The following AK9 variants were observed in gnomAD, a reference collection of about 807,000 sequenced individuals.
AK9 encodes the protein adenylate kinase 9.
Under a neutral mutation model 239.6 loss-of-function variants are expected in AK9, and 191 were observed. That is an observed-to-expected ratio of 0.80 (90% CI 0.71 to 0.90). The LOEUF (loss-of-function observed/expected upper bound fraction) is 0.90. Among genes scored for constraint, AK9 ranks in the 40% least tolerant of loss-of-function variants. AK9 has a pLI of 0.00. For synonymous variants in AK9, 689 were observed against 721.0 expected (o/e 0.96, Z 0.71); for missense variants, 1,995 against 2,214.7 (o/e 0.90, Z 1.99).
At chr6:109,637,118 A>T (rs975134691) in intron 10 of AK9, among the ~76,000 whole-genome samples, 15 of 152,154 alleles carry the variant, frequency 9.9e-5, no homozygotes, top group African/African-American at 3.1e-4. Context: ...ATCTCATTGC[A>T]GTTTTGATTT....
intron 32 of AK9, among the ~76,000 whole-genome samples, chr6:109,511,850 C>A (rs769751825): frequency 5.3e-5 from 8 of 151,984 alleles, no homozygotes; most frequent in Non-Finnish European, 1.0e-4. Context: ...ACCACCATTT[C>A]AACAAAAAAA....
chr6:109,516,375 G>T, intron 30 of AK9, 55 bp downstream of exon 30: 1 of 1,450,800 alleles, frequency 6.9e-7, no homozygotes, highest in Non-Finnish European at 9.4e-7. Context: ...AATTGCTTTA[G>T]TCTGATTCTC....
intron 24 of AK9, among the ~76,000 whole-genome samples, chr6:109,561,210 C>A (rs1027568600): frequency 1.3e-5 from 2 of 152,096 alleles, no homozygotes; most frequent in East Asian, 3.9e-4. Flanking sequence ...CCTCGGCTTC[C>A]CAAAGTGCTG....
At chr6:109,645,135 G>A (rs1179685410) in intron 8 of AK9, among the ~76,000 whole-genome samples, 6 of 152,286 alleles carry the variant, frequency 3.9e-5, no homozygotes, top group African/African-American at 9.6e-5. Flanking sequence ...AGCTCCCAGC[G>A]TGATCGATGC....
intron 39 of AK9, among the ~76,000 whole-genome samples, chr6:109,494,878 GAATA>G (rs1352289286): frequency 3.9e-5 from 6 of 152,134 alleles, no homozygotes; most frequent in Non-Finnish European, 5.9e-5. Context: ...AACTTAAATA[GAATA>G]AATAAATAAC....
intron 10 of AK9, among the ~76,000 whole-genome samples, chr6:109,639,774 A>G (rs1197126618): frequency 6.6e-6 from 1 of 152,152 alleles, no homozygotes; most frequent in Non-Finnish European, 1.5e-5. Context: ...GGGTTTTTAC[A>G]GTTTTAGGTC....
intron 1 of AK9, among the ~76,000 whole-genome samples, chr6:109,682,086 T>A (rs1035186624): frequency 1.4e-4 from 21 of 151,958 alleles, no homozygotes; most frequent in Admixed American, 2.6e-4. Context: ...ATAACTAAGA[T>A]GAGAGCAGAA....
At chr6:109,604,260 T>C (rs1229862793) in intron 17 of AK9, among the ~76,000 whole-genome samples, 1 of 152,218 alleles carries the variant, frequency 6.6e-6, no homozygotes, top group Non-Finnish European at 1.5e-5. Context: ...TTAAGTAGTC[T>C]ATTGAGATTT....
intron 27 of AK9, among the ~76,000 whole-genome samples, chr6:109,536,134 T>C (rs1781953758): frequency 6.6e-6 from 1 of 152,246 alleles, no homozygotes; most frequent in Non-Finnish European, 1.5e-5. Flanking sequence ...TTTTTTCCAC[T>C]TCTGTGAAGA....
chr6:109,681,193 A>C (rs534330121), intron 1 of AK9, among the ~76,000 whole-genome samples: 33 of 152,348 alleles, frequency 2.2e-4, no homozygotes, highest in African/African-American at 7.7e-4. Flanking sequence ...TGCTACATTC[A>C]GGAGACCCAT....
intron 24 of AK9, among the ~76,000 whole-genome samples, chr6:109,551,056 A>G (rs1423570733): frequency 1.3e-5 from 2 of 152,186 alleles, no homozygotes; most frequent in South Asian, 2.1e-4. Flanking sequence ...AAATAGATAT[A>G]TATTTAGGCA....
chr6:109,520,646 G>A (rs776294389), intron 29 of AK9, among the ~76,000 whole-genome samples: 6 of 152,066 alleles, frequency 3.9e-5, no homozygotes, highest in Non-Finnish European at 7.4e-5. Flanking sequence ...AATCTGTGAA[G>A]GATGTTATTG....
chr6:109,558,247 C>T (rs11153188), intron 24 of AK9, among the ~76,000 whole-genome samples: 52,522 of 151,888 alleles, frequency 0.35, 9,550 homozygotes, highest in South Asian at 0.44. Context: ...TGACGAAGGC[C>T]AATTTATCAT....
At position 109,644,713 on chromosome 6, in the gene AK9, T is replaced by C. The variant is rs768735256; in HGVS notation, c.760-25A>G. The C allele has an allele frequency of 3.2e-6, 5 of 1,577,720 alleles. No individual in the cohort carries two copies. In the South Asian group the frequency reaches 4.5e-5, roughly 14 times the overall value. Reference sequence around the variant, plus strand: ...CCTGCAGATAATAGAAAAGAAACTTTATAATACAGGATCACTAGAAAAACT... The same window carrying C: ...CCTGCAGATAATAGAAAAGAAACTTCATAATACAGGATCACTAGAAAAACT... On this transcript the variant is annotated intron_variant, in intron 8 of 40. Coordinates refer to ENST00000424296, the MANE Select transcript of AK9 (RefSeq NM_001145128.3).
intron 12 of AK9, among the ~76,000 whole-genome samples, chr6:109,627,895 C>T (rs1795724286): frequency 1.3e-5 from 2 of 152,202 alleles, no homozygotes; most frequent in African/African-American, 4.8e-5. Flanking sequence ...AGTTAACTGC[C>T]CTCCTCAGCC....
intron 8 of AK9, among the ~76,000 whole-genome samples, chr6:109,646,874 G>C (rs991587650): frequency 7.2e-5 from 11 of 152,226 alleles, no homozygotes; most frequent in Non-Finnish European, 1.5e-4. Context: ...AAGCCCATCA[G>C]ACTAACAGTG....
intron 27 of AK9, among the ~76,000 whole-genome samples, chr6:109,538,622 T>A (rs1402262755): frequency 1.3e-5 from 2 of 151,916 alleles, no homozygotes; most frequent in African/African-American, 4.9e-5. Context: ...GTTAATATTG[T>A]TATGTGTGAA....
intron 8 of AK9, among the ~76,000 whole-genome samples, chr6:109,652,642 A>C (rs1799131296): frequency 6.6e-6 from 1 of 152,170 alleles, no homozygotes; most frequent in Admixed American, 6.6e-5. Context: ...AGTTATTTTC[A>C]AGCATTTCTT....
At chr6:109,675,427 G>A (rs1035656666) in intron 2 of AK9, among the ~76,000 whole-genome samples, 5 of 152,114 alleles carry the variant, frequency 3.3e-5, no homozygotes, top group Middle Eastern at 3.4e-3. Flanking sequence ...GTAGTGTTGC[G>A]ATGAGCATAT....
Sources: allele counts gnomAD v4.1 joint callset (sites outside exome capture counted in the v4.1 genomes callset), GRCh38; gene constraint gnomAD v4.1.1; transcripts MANE v1.5; gene names NCBI Gene and HGNC (gene_info 2026-07-23, HGNC 2026-07-21).